The following CLDN2 variants were observed in gnomAD, a reference collection of about 807,000 sequenced individuals.
CLDN2 encodes claudin-2.
In CLDN2, 1 loss-of-function variant was observed where a neutral mutation model predicts 8.2. The ratio of observed to expected loss-of-function variants is 0.12; its 90% CI spans 0.04 to 0.58. The LOEUF (loss-of-function observed/expected upper bound fraction) is 0.58, where lower values mean the gene tolerates loss of function less well. Ranked by LOEUF, CLDN2 falls within the 20% of genes least tolerant of loss-of-function variation. CLDN2 has a pLI of 0.90. For synonymous variants in CLDN2, 70 were observed against 70.2 expected, an observed-to-expected ratio of 1.00 and a Z score of 0.01; for missense variants, 108 against 172.9, an observed-to-expected ratio of 0.62 and a Z score of 2.11.
chrX:106,916,285 G>A (rs1933309230), upstream of CLDN2, among the ~76,000 whole-genome samples: 1 of 110,781 alleles, frequency 9.0e-6, no homozygotes, highest in African/African-American at 3.3e-5. Flanking sequence ...ACCAGCTGAA[G>A]GTGGAGTAGG....
intron 1 of CLDN2, chrX:106,903,171 G>A: frequency 8.3e-7 from 1 of 1,211,060 alleles, no homozygotes; most frequent in South Asian, 1.8e-5. Context: ...AGGAGAGAAG[G>A]CAAGATGGGC....
chrX:106,906,734 C>T (rs1207793884), intron 1 of CLDN2, among the ~76,000 whole-genome samples: 1 of 111,207 alleles, frequency 9.0e-6, no homozygotes, highest in Non-Finnish European at 1.9e-5. Flanking sequence ...GCCTCATCCA[C>T]CTCCTTCCTG....
Position 106,927,951 on chromosome X carries a change from G to A in CLDN2, c.-178-100G>A, listed in dbSNP as rs1933492592. 4 of 244,681 alleles carry A rather than the reference G, an allele frequency of 1.6e-5. No individual in the cohort carries two copies. In the East Asian group the frequency reaches 2.6e-4, roughly 16 times the overall value. The allele number at this position is 244,681 out of a possible 1,213,427, so 20.2% of individuals were successfully genotyped here. ...TTGTTTTTTTTTTCCTTTCTCATGT[G>A]TTATTTCTAAAGATAACAAAGGTCA... On this transcript the variant is annotated intron_variant, in intron 1 of 1. Transcript: ENST00000336803.
chrX:106,927,512 T>A (rs1185873014), intron 1 of CLDN2, among the ~76,000 whole-genome samples: 1 of 111,213 alleles, frequency 9.0e-6, no homozygotes. Context: ...GGATCTGAAC[T>A]CTCAGAGTAT....
intron 1 of CLDN2, among the ~76,000 whole-genome samples, chrX:106,922,924 G>A (rs1484624000): frequency 9.0e-6 from 1 of 110,533 alleles, no homozygotes; most frequent in Non-Finnish European, 1.9e-5. Flanking sequence ...TTGGTTTCCT[G>A]GGCTAGCAAG....
At chrX:106,916,001 C>T (rs772369818), upstream of CLDN2, among the ~76,000 whole-genome samples, 1 of 109,111 alleles carries the variant, frequency 9.2e-6, no homozygotes, top group Non-Finnish European at 1.9e-5. Flanking sequence ...CACAACAAAC[C>T]CCCATGACAT....
At chrX:106,905,867 G>T (rs1298674210) in intron 1 of CLDN2, among the ~76,000 whole-genome samples, 2 of 111,412 alleles carry the variant, frequency 1.8e-5, no homozygotes, top group Non-Finnish European at 3.8e-5. Context: ...AGGCCTCAGG[G>T]TTCCACTTAC....
chrX:106,904,873 G>C (rs1209324488), intron 1 of CLDN2, among the ~76,000 whole-genome samples: 1 of 112,080 alleles, frequency 8.9e-6, no homozygotes, highest in Non-Finnish European at 1.9e-5. Context: ...TAAGAAAAAA[G>C]ATGTAGAATG....
upstream of CLDN2, among the ~76,000 whole-genome samples, chrX:106,916,395 G>C (rs1328115177): frequency 6.3e-5 from 7 of 111,362 alleles, no homozygotes. Context: ...AAGGAAGCCA[G>C]TCGGGAGAGT....
chrX:106,901,565 G>A (rs1933095134), intron 1 of CLDN2: 4 of 1,199,324 alleles, frequency 3.3e-6, no homozygotes, highest in South Asian at 1.8e-5. Flanking sequence ...CTAGCATGTG[G>A]CTCAAAGTAC....
chrX:106,925,096 A>G (rs1055694081), intron 1 of CLDN2, among the ~76,000 whole-genome samples: 6 of 111,669 alleles, frequency 5.4e-5, no homozygotes, highest in African/African-American at 1.6e-4. Context: ...AAATTGCAAC[A>G]TAATGCAAAA....
intron 1 of CLDN2, among the ~76,000 whole-genome samples, chrX:106,924,249 G>T (rs772976238): frequency 1.1e-4 from 12 of 111,030 alleles, no homozygotes; most frequent in Non-Finnish European, 1.5e-4. Context: ...GCTGCAAAGA[G>T]AATGATCAAG....
chrX:106,911,537 C>G (rs758814558), intron 1 of CLDN2, among the ~76,000 whole-genome samples: 1 of 111,493 alleles, frequency 9.0e-6, no homozygotes, highest in Non-Finnish European at 1.9e-5. Flanking sequence ...GACACAAATT[C>G]TGCCCTCCCT....
At chrX:106,919,893 C>T (rs754094272), upstream of CLDN2, among the ~76,000 whole-genome samples, 7 of 112,605 alleles carry the variant, frequency 6.2e-5, no homozygotes, top group Admixed American at 2.8e-4. Flanking sequence ...CCTTGTAGGA[C>T]CTGCTCTTTG....
At chrX:106,917,168 T>C (rs983850827), upstream of CLDN2, among the ~76,000 whole-genome samples, 3 of 112,345 alleles carry the variant, frequency 2.7e-5, no homozygotes, top group Admixed American at 9.4e-5. Context: ...TGATAGAGGA[T>C]AACTGAAACC....
Position 106,929,134 on chromosome X carries a change from CCTTT to C in CLDN2, c.*216_*219del, listed in dbSNP as rs754666261. 21 of 430,564 alleles carry C rather than the reference CCTTT, an allele frequency of 4.9e-5. No individual in the cohort carries two copies. The highest frequency in any genetic ancestry group is 8.2e-5 in the Non-Finnish European group (20 of 243,854). 35.5% of individuals were successfully genotyped at this position (430,564 alleles called of 1,213,427 possible). On this transcript the variant is annotated 3_prime_UTR_variant, in exon 2 of 2. Coordinates refer to ENST00000336803, the MANE Select transcript of CLDN2 (RefSeq NM_020384.4). ...TTGCCAAGGATGCTCGCCATGCCAG[CCTTT>C]CTGTTTTCCTCACCTTGCTGCTCCC...
At chrX:106,917,129 C>A (rs1303946201), upstream of CLDN2, among the ~76,000 whole-genome samples, 3 of 112,030 alleles carry the variant, frequency 2.7e-5, no homozygotes, top group Admixed American at 1.9e-4. Flanking sequence ...GAAGTCTGGG[C>A]TGAAAATGAT....
At chrX:106,927,882 G>A (rs923915281) in intron 1 of CLDN2, among the ~76,000 whole-genome samples, 169 bp from the exon 2 acceptor site, 7 of 112,207 alleles carry the variant, frequency 6.2e-5, no homozygotes, top group African/African-American at 1.9e-4. Context: ...CCTAAGGCAT[G>A]TGCCTACGCA....
intron 1 of CLDN2, among the ~76,000 whole-genome samples, chrX:106,927,734 T>C (rs1457593490): frequency 8.9e-6 from 1 of 112,216 alleles, no homozygotes; most frequent in Non-Finnish European, 1.9e-5. Flanking sequence ...CCTATGGCAC[T>C]GTTGCTTGGC....
Sources: gnomAD v4.1 joint callset for allele counts (sites outside exome capture counted in the v4.1 genomes callset) on GRCh38, gnomAD v4.1.1 for gene constraint, MANE v1.5 for transcripts, NCBI Gene and HGNC (gene_info 2026-07-23, HGNC 2026-07-21) for gene names.